STUM: variants seen among roughly 807,000 people sequenced by gnomAD.
The protein encoded by STUM is protein stum homolog.
In STUM, 8 loss-of-function variants were observed where a neutral mutation model predicts 15.3. That is an observed-to-expected ratio of 0.52 (90% CI 0.31 to 0.94). The LOEUF is 0.94. Ranked by LOEUF, STUM falls within the 40% of genes least tolerant of loss-of-function variation. The pLI, the probability that STUM is intolerant of heterozygous loss-of-function variation, is 0.05. For missense variants in STUM, 142 were observed against 204.9 expected, an observed-to-expected ratio of 0.69 and a Z score of 1.87; for synonymous variants, 78 against 88.7, an observed-to-expected ratio of 0.88 and a Z score of 0.68.
rs2102718407 is a variant in STUM, at chr1:226,605,721, C to T, written c.*3681C>T. ...GTTGGGCAAAACCTCCTAGGAAGGT[C>T]CTGGACGCCTCCACCCTGCCCCACA... is the stretch of plus-strand genomic sequence containing the variant. On this transcript the variant is annotated 3_prime_UTR_variant, in exon 4 of 4. Transcript: ENST00000366788. This position sits in a 1 kb window ranked among gnomAD's most constrained non-coding sequence, Gnocchi z 4.0. 1 of 152,476 alleles carries T rather than the reference C, an allele frequency of 6.6e-6. No individual in the cohort carries two copies. Among genetic ancestry groups the T allele is most frequent in the Admixed American group, 6.5e-5 (1 of 15,296 alleles). 9.4% of individuals were successfully genotyped at this position (152,476 alleles called of 1,614,324 possible). A position where few individuals can be genotyped will look rare whatever the true frequency, so the allele number is the denominator to read the frequency against.
At chr1:226,586,102 CTGGAGATGTTCTGCTA>C (rs1171399934) in intron 1 of STUM, among the ~76,000 whole-genome samples, 1 of 152,170 alleles carries the variant, frequency 6.6e-6, no homozygotes, top group Non-Finnish European at 1.5e-5. Context: ...GGCCTAGTGA[CTGGAGATGTTCTGCTA>C]TTACCTGCTA....
intron 1 of STUM, among the ~76,000 whole-genome samples, chr1:226,578,716 G>T (rs1478774015): frequency 6.6e-6 from 1 of 152,102 alleles, no homozygotes; most frequent in Non-Finnish European, 1.5e-5. Context: ...ACTCGGTGAA[G>T]GCCAAGTTTA....
At position 226,552,574 on chromosome 1, in the gene STUM, T is replaced by C. The variant is rs1667389474; in HGVS notation, c.202+3468T>C. ...TTGGTGAAACGAAAATGTTGATATCTCAGTGACACGGAAAGTCGAAGGGAG... is the reference window on the plus strand; with the variant it reads ...TTGGTGAAACGAAAATGTTGATATCCCAGTGACACGGAAAGTCGAAGGGAG... On this transcript the variant is annotated intron_variant, in intron 1 of 3. Coordinates refer to ENST00000366788, the MANE Select transcript of STUM (RefSeq NM_001003665.4). This position sits in a 1 kb window ranked among gnomAD's most constrained non-coding sequence, Gnocchi z 4.7. Among the ~76,000 whole-genome samples the C allele has an allele frequency of 6.6e-6, 1 of 152,232 alleles. No homozygotes were observed.
At chr1:226,564,944 C>T (rs781140800) in intron 1 of STUM, among the ~76,000 whole-genome samples, 33 of 152,152 alleles carry the variant, frequency 2.2e-4, no homozygotes, top group Non-Finnish European at 3.7e-4. Context: ...CCAGTGGCTC[C>T]CACTCCCCTG....
chr1:226,556,900 A>G (rs1558277171), intron 1 of STUM, among the ~76,000 whole-genome samples: 1 of 152,236 alleles, frequency 6.6e-6, no homozygotes, highest in Non-Finnish European at 1.5e-5. Flanking sequence ...GTGATGCTAT[A>G]ATTTATGAAT....
At chr1:226,582,137 G>A (rs535161788) in intron 1 of STUM, among the ~76,000 whole-genome samples, 1 of 152,304 alleles carries the variant, frequency 6.6e-6, no homozygotes, top group South Asian at 2.1e-4. Context: ...CCACTGATAC[G>A]GAGGCAGACG....
rs1295902027 is a variant in STUM at position 226,600,087 on chromosome 1, T to A, written c.383-579T>A. 6.6e-6 allele frequency among the ~76,000 whole-genome samples: 1 copy of A among 151,900 alleles called. No individual in the cohort carries two copies. Among genetic ancestry groups the A allele is most frequent in the Non-Finnish European group, 1.5e-5 (1 of 67,988 alleles). On this transcript the variant is annotated intron_variant, in intron 2 of 3. Coordinates refer to ENST00000366788, the MANE Select transcript of STUM (RefSeq NM_001003665.4). This position sits in a 1 kb window ranked among gnomAD's most constrained non-coding sequence, Gnocchi z 5.2. ...GTCAAAGCTCTAGCTGTCCAGGAGC[T>A]GCCACTCCTCATGTCCATCTGGAAT...
intron 1 of STUM, among the ~76,000 whole-genome samples, chr1:226,563,897 C>T (rs1202916146): frequency 6.6e-6 from 1 of 152,196 alleles, no homozygotes; most frequent in African/African-American, 2.4e-5. Flanking sequence ...GTAAACATTA[C>T]CATCTTAGGC....
chr1:226,574,001 A>AT (rs1184761136), intron 1 of STUM, among the ~76,000 whole-genome samples: 1 of 151,974 alleles, frequency 6.6e-6, no homozygotes, highest in Non-Finnish European at 1.5e-5. Context: ...TGTGCTGCTA[A>AT]TTTTTTGTAT....
intron 1 of STUM, among the ~76,000 whole-genome samples, chr1:226,566,777 A>T (rs983113488): frequency 6.6e-6 from 1 of 152,266 alleles, no homozygotes; most frequent in African/African-American, 2.4e-5. Flanking sequence ...TTGTATGATC[A>T]GTAATTCCTA....
chr1:226,585,188 G>A (rs12035052), intron 1 of STUM, among the ~76,000 whole-genome samples: 34,754 of 152,058 alleles, frequency 0.23, 4,177 homozygotes, highest in South Asian at 0.4. Flanking sequence ...AAAAGGTGGA[G>A]TGAAGAATAG....
intron 1 of STUM, among the ~76,000 whole-genome samples, chr1:226,586,884 G>T (rs1668006886): frequency 6.6e-6 from 1 of 152,132 alleles, no homozygotes; most frequent in Non-Finnish European, 1.5e-5. Flanking sequence ...CCACTGCATT[G>T]TCCTGGGCTC....
chr1:226,548,770 C>G lies in STUM; in HGVS notation c.-135C>G. On this transcript the variant is annotated 5_prime_UTR_variant, in exon 1 of 4. Transcript: ENST00000366788. The stretch of plus-strand genomic sequence containing the variant: ...CCGGAGGGCGGGAGTCTCCGCGAGC[C>G]GCGCGGCGCACGGAGCACGGCGGCC... 1.5e-6 allele frequency: 1 copy of G among 666,502 alleles called. No individual in the cohort carries two copies. Among genetic ancestry groups the G allele is most frequent in the Non-Finnish European group, 2.0e-6 (1 of 488,234 alleles). The allele number at this position is 666,502 out of a possible 1,614,324, so 41.3% of individuals were successfully genotyped here.
rs530541983 is a variant in STUM at position 226,608,391 on chromosome 1, G to A, written c.*6351G>A. 6.6e-6 allele frequency: 1 copy of A among 152,316 alleles called. No individual in the cohort carries two copies. Among genetic ancestry groups the A allele is most frequent in the South Asian group, 2.1e-4 (1 of 4,818 alleles). The allele number at this position is 152,316 out of a possible 1,614,324, so 9.4% of individuals were successfully genotyped here. ...GCCTGGGCACCCATGAGAACCTGTG[G>A]CCAGCCCTTTTCATTGGCTGAGTTC... On this transcript the variant is annotated 3_prime_UTR_variant, in exon 4 of 4. Transcript: ENST00000366788. This position sits in a 1 kb window ranked among gnomAD's most constrained non-coding sequence, Gnocchi z 4.0.
chr1:226,550,889 C>A (rs1357705234), intron 1 of STUM, among the ~76,000 whole-genome samples: 1 of 152,172 alleles, frequency 6.6e-6, no homozygotes, highest in African/African-American at 2.4e-5. Flanking sequence ...GGGGATCCAG[C>A]TTTTCCCTTT....
At position 226,552,416 on chromosome 1, in the gene STUM, T is replaced by A. The variant is rs115880669; in HGVS notation, c.202+3310T>A. On this transcript the variant is annotated intron_variant, in intron 1 of 3. Coordinates refer to ENST00000366788, the MANE Select transcript of STUM (RefSeq NM_001003665.4). This position sits in a 1 kb window ranked among gnomAD's most constrained non-coding sequence, Gnocchi z 4.7. ...CCTTCATGTTCCAACAATTAGGGTG[T>A]TTATAAGTATATACACGATTATTCA... is the stretch of plus-strand genomic sequence containing the variant. Among the ~76,000 whole-genome samples, 1,802 of 152,308 alleles carry A rather than the reference T, an allele frequency of 0.012. 37 individuals are homozygous for A. The highest frequency in any genetic ancestry group is 0.042 in the African/African-American group (1,725 of 41,560).
chr1:226,588,659 A>C (rs536419409), intron 1 of STUM, among the ~76,000 whole-genome samples: 21 of 152,360 alleles, frequency 1.4e-4, no homozygotes, highest in African/African-American at 4.8e-4. Flanking sequence ...TCTGGTTGAA[A>C]TAATTGCACA....
At chr1:226,564,493 A>C (rs1467691394) in intron 1 of STUM, among the ~76,000 whole-genome samples, 1 of 152,200 alleles carries the variant, frequency 6.6e-6, no homozygotes, top group Non-Finnish European at 1.5e-5. Flanking sequence ...CTTAACATGC[A>C]TCTGAAGACA....
Position 226,549,085 on chromosome 1 carries a change from A to C in STUM, c.181A>C (p.Asn61His). 4 of 1,579,510 alleles carry C rather than the reference A, an allele frequency of 2.5e-6. No homozygotes were observed. Among genetic ancestry groups the C allele is most frequent in the Non-Finnish European group, 3.4e-6 (4 of 1,165,656 alleles). Residue 61 changes from asparagine to histidine, a missense_variant, in exon 1 of 4, where the codon AAC becomes CAC. Coordinates refer to ENST00000366788, the MANE Select transcript of STUM (RefSeq NM_001003665.4). This position sits in a 1 kb window ranked among gnomAD's most constrained non-coding sequence, Gnocchi z 6.8. ...CGTGGCCGTCATCTGCCTCTTCCTC[A>C]ACACTTTCGTGCCGGGACTGGGTAA... ...FPVAVICLFL[N>H]TFVPGLGTFV... is the part of the protein sequence containing the mutation.
Sources: gnomAD v4.1 joint callset for allele counts (sites outside exome capture counted in the v4.1 genomes callset) on GRCh38, gnomAD v4.1.1 for gene constraint, Gnocchi (gnomAD v3.1) non-coding constraint, MANE v1.5 for transcripts, NCBI Gene and HGNC (gene_info 2026-07-23, HGNC 2026-07-21) for gene names.